The following TMPRSS9 variants were observed in gnomAD, a reference collection of about 807,000 sequenced individuals.
The protein encoded by TMPRSS9 is transmembrane serine protease 9.
Under a neutral mutation model 111.4 loss-of-function variants are expected in TMPRSS9, and 113 were observed. That is an observed-to-expected ratio of 1.01 (90% CI 0.87 to 1.19). TMPRSS9 has a LOEUF of 1.19. TMPRSS9 is among the 50% of genes most tolerant of loss of function. TMPRSS9 has a pLI of 0.00. For synonymous variants in TMPRSS9, 805 were observed against 659.1 expected, an observed-to-expected ratio of 1.22 and a Z score of -3.39; for missense variants, 1,803 against 1,513.1, an observed-to-expected ratio of 1.19 and a Z score of -3.18.
rs2145427338 is a variant in TMPRSS9 at position 2,425,066 on chromosome 19, C to T, written c.2782C>T (p.Gln928Ter). 2.5e-6 allele frequency: 4 copies of T among 1,571,334 alleles called. No individual in the cohort carries two copies. The highest frequency in any genetic ancestry group is 3.4e-6 in the Non-Finnish European group (4 of 1,166,484). Residue 928 changes from glutamine (Q) to a stop codon, truncating the protein, a stop_gained, in exon 16 of 18, where the codon CAG (glutamine) becomes TAG (stop). Transcript: ENST00000648592. LOFTEE classifies it high-confidence loss of function. ...GCCGTTCCTGAGCGGCGCGGAGGGG[C>T]AGCTGGAGCGCGTGGCGCGCATCTA...
intron 12 of TMPRSS9, among the ~76,000 whole-genome samples, chr19:2,417,625 G>C (rs951555831): frequency 3.3e-5 from 5 of 152,114 alleles, no homozygotes; most frequent in Non-Finnish European, 7.4e-5. Flanking sequence ...TCCAGCCTGG[G>C]CAACAGAGCA....
chr19:2,374,969 A>G (rs1293594991), intron 1 of TMPRSS9, among the ~76,000 whole-genome samples: 1 of 152,212 alleles, frequency 6.6e-6, no homozygotes, highest in African/African-American at 2.4e-5. Flanking sequence ...CTCCACGACG[A>G]AACAGGTCCC....
intron 1 of TMPRSS9, among the ~76,000 whole-genome samples, chr19:2,362,012 G>A (rs757500320): frequency 2.0e-5 from 3 of 152,046 alleles, no homozygotes; most frequent in Non-Finnish European, 4.4e-5. Flanking sequence ...TCATGTGATT[G>A]TGTGTGATGT....
In TMPRSS9 at chr19:2,424,080, C is replaced by G; in HGVS notation, c.2549-9C>G. On this transcript the variant is annotated splice_polypyrimidine_tract_variant and intron_variant, in intron 14 of 17. Coordinates refer to ENST00000648592, the Ensembl canonical transcript of TMPRSS9. ...GGTCCGCCTGCCCACGCGCCTGGCT[C>G]CCCCGCAGACTGTGGCCTGGCGCCG... The G allele has an allele frequency of 3.1e-6, 4 of 1,270,286 alleles. No individual in the cohort carries two copies. Among genetic ancestry groups the G allele is most frequent in the Non-Finnish European group, 4.0e-6 (4 of 1,005,926 alleles). 78.7% of individuals were successfully genotyped at this position (1,270,286 alleles called of 1,614,324 possible).
chr19:2,424,905 C>G (rs1405393536), intron 15 of TMPRSS9, 97 bp from the exon 17 acceptor site: 5 of 1,344,718 alleles, frequency 3.7e-6, no homozygotes, highest in Admixed American at 3.7e-5. Flanking sequence ...GCCAATAACC[C>G]TGCCCAGGGT....
chr19:2,388,350 C>A (rs1042685733), upstream of TMPRSS9, among the ~76,000 whole-genome samples: 4 of 152,052 alleles, frequency 2.6e-5, no homozygotes, highest in Non-Finnish European at 5.9e-5. Flanking sequence ...CACACCATTG[C>A]ACTCCAGCCT....
intron 1 of TMPRSS9, among the ~76,000 whole-genome samples, chr19:2,362,734 G>T (rs762178793): frequency 2.0e-5 from 3 of 147,952 alleles, no homozygotes; most frequent in African/African-American, 8.0e-5. Context: ...GAGTTGTAAC[G>T]TGGTTGTGTG....
intron 17 of TMPRSS9, 166 bp from the exon 19 acceptor site, chr19:2,425,761 G>A: frequency 8.4e-7 from 1 of 1,191,094 alleles, no homozygotes; most frequent in Non-Finnish European, 1.1e-6. Flanking sequence ...CCACGTGGCG[G>A]GTGTCCATAA....
chr19:2,425,476 G>A (rs1426576500), exon 17 of TMPRSS9: 2 of 1,589,188 alleles, frequency 1.3e-6, no homozygotes, highest in Non-Finnish European at 1.7e-6. Context: ...CCCGCAGGGT[G>A]GCGTGGACAG....
At chr19:2,398,641 G>A (rs560689811) in intron 2 of TMPRSS9, among the ~76,000 whole-genome samples, 154 bp from the exon 4 acceptor site, 2 of 152,016 alleles carry the variant, frequency 1.3e-5, no homozygotes, top group Middle Eastern at 3.4e-3. Flanking sequence ...ACATACATAC[G>A]TACATATAGA....
intron 13 of TMPRSS9, among the ~76,000 whole-genome samples, chr19:2,420,441 C>CAAAAAA (rs575760141): frequency 2.8e-5 from 3 of 106,130 alleles, no homozygotes; most frequent in Non-Finnish European, 3.9e-5. Flanking sequence ...GACTCCACCT[C>CAAAAAA]AAAAAAAAAA....
exon 9 of TMPRSS9, chr19:2,410,344 G>C (rs1599304012): frequency 6.2e-7 from 1 of 1,614,080 alleles, no homozygotes; most frequent in Non-Finnish European, 8.5e-7. Context: ...TTCACTCACT[G>C]ACAGGATGGT....
chr19:2,415,930 A>G, intron 11 of TMPRSS9, 89 bp downstream of exon 12: 1 of 1,434,952 alleles, frequency 7.0e-7, no homozygotes, highest in Non-Finnish European at 9.3e-7. Context: ...GGGCTGCTGC[A>G]TGGACCCCAC....
At chr19:2,421,774 T>G in intron 13 of TMPRSS9, 80 bp from the exon 15 acceptor site, 16 of 1,452,160 alleles carry the variant, frequency 1.1e-5, no homozygotes, top group Non-Finnish European at 1.5e-5. Context: ...CCACCCACTG[T>G]AGGAACGCAG....
At chr19:2,399,629 G>C (rs1006772157) in intron 4 of TMPRSS9, among the ~76,000 whole-genome samples, 1 of 152,200 alleles carries the variant, frequency 6.6e-6, no homozygotes, top group Non-Finnish European at 1.5e-5. Flanking sequence ...TGCCTTAATG[G>C]TGTGGATAAG....
At chr19:2,405,448 C>T in exon 7 of TMPRSS9, 2 of 1,607,878 alleles carry the variant, frequency 1.2e-6, no homozygotes, top group Non-Finnish European at 8.5e-7. Flanking sequence ...GGGGGAGTTT[C>T]CGTGGCAAGC....
chr19:2,368,798 T>TTTTTTTTTTTTTTTTTC (rs1970267389), intron 1 of TMPRSS9, among the ~76,000 whole-genome samples: 1 of 127,348 alleles, frequency 7.9e-6, no homozygotes, highest in Non-Finnish European at 1.6e-5. Flanking sequence ...TTTTTTTTTT[T>TTTTTTTTTTTTTTTTTC]TTTAAAGACA....
intron 9 of TMPRSS9, among the ~76,000 whole-genome samples, chr19:2,412,453 A>T (rs1426527750): frequency 6.6e-6 from 1 of 152,152 alleles, no homozygotes; most frequent in Non-Finnish European, 1.5e-5. Flanking sequence ...CCGTGATCTT[A>T]TATTTGCTAT....
intron 12 of TMPRSS9, 147 bp from the exon 14 acceptor site, chr19:2,417,855 G>T: frequency 1.7e-6 from 2 of 1,164,180 alleles, no homozygotes; most frequent in East Asian, 2.4e-5. Context: ...TCACTCTGTG[G>T]CTTTGTGAGA....
Sources: allele counts gnomAD v4.1 joint callset (sites outside exome capture counted in the v4.1 genomes callset), GRCh38; gene constraint gnomAD v4.1.1; transcripts MANE v1.5; gene names NCBI Gene and HGNC (gene_info 2026-07-23, HGNC 2026-07-21).